Variants in EDA2R observed in about 807,000 individuals in gnomAD.
EDA2R encodes tumor necrosis factor receptor superfamily member 27.
EDA2R carries 26 observed loss-of-function variants against 20.1 expected under a neutral mutation model. The observed-to-expected ratio is 1.30, with a 90% confidence interval of 0.95 to 1.80. The LOEUF is 1.80. Ranked by LOEUF, EDA2R falls within the 40% of genes most tolerant of loss-of-function variation. The pLI, the probability that EDA2R is intolerant of heterozygous loss-of-function variation, is 0.00. For synonymous variants in EDA2R, 114 were observed against 88.7 expected, an observed-to-expected ratio of 1.29 and a Z score of -1.60; for missense variants, 277 against 228.7, an observed-to-expected ratio of 1.21 and a Z score of -1.36.
intron 1 of EDA2R, among the ~76,000 whole-genome samples, chrX:66,629,572 C>T (rs1483419204): frequency 9.0e-6 from 1 of 111,458 alleles, no homozygotes; most frequent in African/African-American, 3.3e-5. Context: ...ATCAAATCAA[C>T]AACTCAACCC....
chrX:66,629,788 A>T (rs764102960), intron 1 of EDA2R, among the ~76,000 whole-genome samples: 1 of 111,131 alleles, frequency 9.0e-6, no homozygotes, highest in Admixed American at 9.6e-5. Flanking sequence ...GAAATTCAAC[A>T]CAATTCACAT....
At chrX:66,631,413 A>G (rs1045318738) in intron 1 of EDA2R, among the ~76,000 whole-genome samples, 1 of 111,106 alleles carries the variant, frequency 9.0e-6, no homozygotes, top group Non-Finnish European at 1.9e-5. Flanking sequence ...AAAATATACA[A>G]CTATCTTTAT....
At chrX:66,612,375 C>T (rs1162023515) in intron 2 of EDA2R, among the ~76,000 whole-genome samples, 5 of 111,346 alleles carry the variant, frequency 4.5e-5, no homozygotes, top group African/African-American at 1.6e-4. Flanking sequence ...ATCTGATATT[C>T]GTGACAATGA....
At chrX:66,600,010 G>A (rs972566759) in intron 5 of EDA2R, 150 bp from the exon 6 acceptor site, 16 of 1,142,104 alleles carry the variant, frequency 1.4e-5, no homozygotes, top group Non-Finnish European at 1.9e-5. Flanking sequence ...GCACCAGGCT[G>A]AGGTGACACA....
In EDA2R at chrX:66,597,363, C is replaced by T. The variant is rs945642338; in HGVS notation, c.*741G>A. 1 of 111,916 alleles carries T rather than the reference C, an allele frequency of 8.9e-6. No individual in the cohort carries two copies. Among genetic ancestry groups the T allele is most frequent in the African/African-American group, 3.2e-5 (1 of 30,787 alleles). 9.2% of individuals were successfully genotyped at this position (111,916 alleles called of 1,213,427 possible). A position where few individuals can be genotyped will look rare whatever the true frequency, so the allele number is the denominator to read the frequency against. On this transcript the variant is annotated 3_prime_UTR_variant, in exon 7 of 7. Transcript: ENST00000374719. The stretch of plus-strand genomic sequence containing the variant: ...ATTGAGGGCTGTCTTTGAGGGACTG[C>T]TGTGGGGTAGTTTGGGGAACTCAGG...
At chrX:66,637,299 A>T (rs779391284) in intron 1 of EDA2R, among the ~76,000 whole-genome samples, 3 of 111,918 alleles carry the variant, frequency 2.7e-5, no homozygotes, top group Non-Finnish European at 5.6e-5. Context: ...CTATTCCCAC[A>T]GCCACGACCT....
At chrX:66,616,088 C>T in intron 1 of EDA2R, 58 bp from the exon 2 acceptor site, 1 of 834,422 alleles carries the variant, frequency 1.2e-6, no homozygotes, top group South Asian at 2.2e-5. Flanking sequence ...TAAGTAGTGG[C>T]TTCCATGCCA....
chrX:66,629,153 A>C (rs1160850712), intron 1 of EDA2R, among the ~76,000 whole-genome samples: 1 of 111,891 alleles, frequency 8.9e-6, no homozygotes, highest in Non-Finnish European at 1.9e-5. Flanking sequence ...CTTTATGATT[A>C]AAACTCTCAA....
At chrX:66,600,653 G>A (rs996396885) in intron 5 of EDA2R, among the ~76,000 whole-genome samples, 1 of 111,858 alleles carries the variant, frequency 8.9e-6, no homozygotes, top group African/African-American at 3.3e-5. Flanking sequence ...GTGATAATAA[G>A]CTACTAAATG....
intron 1 of EDA2R, among the ~76,000 whole-genome samples, chrX:66,623,323 C>T (rs765252774): frequency 8.9e-6 from 1 of 111,837 alleles, no homozygotes; most frequent in South Asian, 3.7e-4. Flanking sequence ...AACCCAAGGT[C>T]TATCCATTTT....
rs759702771 is a variant in EDA2R, at chrX:66,609,998, C to T, written c.88-4772G>A. On this transcript the variant is annotated intron_variant, in intron 2 of 6. Transcript: ENST00000374719. Reference sequence around the variant, plus strand: ...GGAGAAATTTTCTCTAACTGCAACACGAAGTCCAGAAGCAGTAAAGGAAAG... The same window carrying T: ...GGAGAAATTTTCTCTAACTGCAACATGAAGTCCAGAAGCAGTAAAGGAAAG... Among the ~76,000 whole-genome samples the T allele has an allele frequency of 3.6e-5, 4 of 110,644 alleles. No individual in the cohort carries two copies. In the South Asian group the frequency reaches 1.1e-3, roughly 32 times the overall value.
chrX:66,620,729 A>T lies in EDA2R; in HGVS notation c.-10-4699T>A, dbSNP rs1400125151. Among the ~76,000 whole-genome samples, 3 of 110,295 alleles carry T rather than the reference A, an allele frequency of 2.7e-5. No individual in the cohort carries two copies. The East Asian group carries it at 8.5e-4, about 31-fold the overall frequency. ...AGAAAGTGAAAAGACAATCCACATA[A>T]TAGGACACAAAAATTTTCATATCAC... On this transcript the variant is annotated intron_variant, in intron 1 of 6. Transcript: ENST00000374719.
Position 66,602,688 on chromosome X carries a change from G to T in EDA2R, c.462C>A (p.Phe154Leu). The T allele has an allele frequency of 8.3e-7, 1 of 1,201,740 alleles. No homozygotes were observed. Among genetic ancestry groups the T allele is most frequent in the Non-Finnish European group, 1.1e-6 (1 of 890,196 alleles). The change falls in exon 5 of 7, where the codon TTC (phenylalanine) becomes TTA (leucine). Residue 154 changes from phenylalanine (F) to leucine (L), a missense_variant. Transcript: ENST00000374719. ...TGCAGTAGAGGAAGAAGAGCCCCAGGAAGGCCAGGGTAAACACCACTAGCA... is the reference window on the plus strand; with the variant it reads ...TGCAGTAGAGGAAGAAGAGCCCCAGTAAGGCCAGGGTAAACACCACTAGCA... ...SSLLVVFTLA[F>L]LGLFFLYCKQ...
At chrX:66,602,428 T>A (rs1263849877) in intron 5 of EDA2R, among the ~76,000 whole-genome samples, 1 of 110,919 alleles carries the variant, frequency 9.0e-6, no homozygotes, top group Non-Finnish European at 1.9e-5. Context: ...TCTTCTAAAC[T>A]CTCAGGGTTG....
intron 1 of EDA2R, among the ~76,000 whole-genome samples, chrX:66,619,598 G>A (rs1329573229): frequency 9.0e-6 from 1 of 111,483 alleles, no homozygotes; most frequent in Non-Finnish European, 1.9e-5. Flanking sequence ...GGGTTGGGGA[G>A]AGGAAGGGAA....
At chrX:66,607,162 T>A (rs1314327916) in intron 2 of EDA2R, among the ~76,000 whole-genome samples, 1 of 112,020 alleles carries the variant, frequency 8.9e-6, no homozygotes, top group African/African-American at 3.2e-5. Context: ...GTCAGGCTGA[T>A]CCCTAAGCTA....
intron 1 of EDA2R, among the ~76,000 whole-genome samples, chrX:66,637,325 G>T (rs989660942): frequency 9.0e-6 from 1 of 111,657 alleles, no homozygotes; most frequent in Non-Finnish European, 1.9e-5. Context: ...CCAGGGCCTT[G>T]TTCCCTCTCT....
intron 1 of EDA2R, among the ~76,000 whole-genome samples, chrX:66,617,140 TG>T (rs1322946742): frequency 7.1e-5 from 8 of 112,171 alleles, no homozygotes; most frequent in African/African-American, 2.6e-4. Flanking sequence ...AAGTCCTAAA[TG>T]TGTACTCTTA....
chrX:66,613,996 G>C (rs1931242793), intron 2 of EDA2R, among the ~76,000 whole-genome samples: 1 of 111,358 alleles, frequency 9.0e-6, no homozygotes. Flanking sequence ...ACGGATTCTT[G>C]ATTGGTCTTA....
Sources: gnomAD v4.1 joint callset for allele counts (sites outside exome capture counted in the v4.1 genomes callset) on GRCh38, gnomAD v4.1.1 for gene constraint, MANE v1.5 for transcripts, NCBI Gene and HGNC (gene_info 2026-07-23, HGNC 2026-07-21) for gene names.